Variants in CNNM4 observed in about 807,000 individuals in gnomAD.
The protein encoded by CNNM4 is metal transporter CNNM4.
Under a neutral mutation model 53.7 loss-of-function variants are expected in CNNM4, and 32 were observed. That is an observed-to-expected ratio of 0.60 (90% CI 0.45 to 0.80). The LOEUF is 0.80. CNNM4 is among the 30% of genes least tolerant of loss of function. The pLI, the probability that CNNM4 is intolerant of heterozygous loss-of-function variation, is 0.00. For missense variants in CNNM4, 784 were observed against 1,022.0 expected (o/e 0.77, Z 3.17); for synonymous variants, 410 against 440.0 (o/e 0.93, Z 0.85).
At chr2:96,773,841 TA>T (rs572771462) in intron 1 of CNNM4, among the ~76,000 whole-genome samples, 18,244 of 103,288 alleles carry the variant, frequency 0.18, 1,722 homozygotes, top group African/African-American at 0.34. Context: ...AGACTCCATC[TA>T]AAAAAAAAAA....
At chr2:96,765,009 CTG>C in intron 1 of CNNM4, among the ~76,000 whole-genome samples, 1 of 49,274 alleles carries the variant, frequency 2.0e-5, no homozygotes. Context: ...GTTTAGGAGT[CTG>C]GTGTTGGGAA....
chr2:96,798,980 G>T, intron 3 of CNNM4, 77 bp from the exon 4 acceptor site: 1 of 1,414,754 alleles, frequency 7.1e-7, no homozygotes, highest in Non-Finnish European at 1.0e-6. Context: ...TGTGGTTGGG[G>T]TGGAGGCACA....
At chr2:96,785,150 TTAC>T (rs2079005900) in intron 1 of CNNM4, among the ~76,000 whole-genome samples, 1 of 152,032 alleles carries the variant, frequency 6.6e-6, no homozygotes, top group Non-Finnish European at 1.5e-5. Flanking sequence ...CGTGCTGGGA[TTAC>T]AGGCATGAGC....
intron 1 of CNNM4, among the ~76,000 whole-genome samples, chr2:96,791,992 G>A (rs933819948): frequency 7.9e-5 from 12 of 151,712 alleles, no homozygotes; most frequent in Non-Finnish European, 1.8e-4. Context: ...GCAATTCTGC[G>A]CCTGAAATCT....
chr2:96,762,261 T>C lies in CNNM4; in HGVS notation c.1262T>C (p.Ile421Thr), dbSNP rs752941116. 3.3e-5 allele frequency: 54 copies of C among 1,614,044 alleles called. No individual in the cohort carries two copies. Among genetic ancestry groups the C allele is most frequent in the Non-Finnish European group, 4.4e-5 (52 of 1,180,040 alleles). Residue 421 changes from isoleucine to threonine, a missense_variant, in exon 1 of 7, where the codon ATT (isoleucine) becomes ACT (threonine). By Grantham distance (89) the Ile-to-Thr change is moderately conservative. Coordinates refer to ENST00000377075, the MANE Select transcript of CNNM4 (RefSeq NM_020184.4). ...GACGAGCAGTCCAATATTGTAGATATTCTCTACGTCAAAGACTTGGCCTTT... is the reference window on the plus strand; with the variant it reads ...GACGAGCAGTCCAATATTGTAGATACTCTCTACGTCAAAGACTTGGCCTTT... ...FEDEQSNIVD[I>T]LYVKDLAFVD...
chr2:96,799,137 C>G lies in CNNM4; in HGVS notation c.1762C>G (p.Leu588Val). 2 of 1,614,164 alleles carry G rather than the reference C, an allele frequency of 1.2e-6. No individual in the cohort carries two copies. Among genetic ancestry groups the G allele is most frequent in the Non-Finnish European group, 1.7e-6 (2 of 1,180,028 alleles). ...CAAGTACCCAGATGTCATTCAGGAA[C>G]TCAAGTTTGACGAGCACAATAAGTA... Reference protein sequence around the residue: ...LLKYPDVIQELKFDEHNKYYA... With the variant: ...LLKYPDVIQEVKFDEHNKYYA... Residue 588 changes from leucine to valine, a missense_variant, in exon 4 of 7, where the codon CTC becomes GTC. By Grantham distance (32) the Leu-to-Val change is conservative (BLOSUM62 1). This residue lies in a region of CNNM4 where 307 missense variants were observed against 376.3 expected (regional missense o/e 0.82). Coordinates refer to ENST00000377075, the MANE Select transcript of CNNM4 (RefSeq NM_020184.4).
intron 1 of CNNM4, among the ~76,000 whole-genome samples, chr2:96,771,403 A>T (rs568286959): frequency 6.6e-6 from 1 of 152,210 alleles, no homozygotes; most frequent in South Asian, 2.1e-4. Flanking sequence ...ACAAAACAAA[A>T]ACCTTATAAC....
At chr2:96,773,338 G>A (rs72809845) in intron 1 of CNNM4, among the ~76,000 whole-genome samples, 3,289 of 152,200 alleles carry the variant, frequency 0.022, 60 homozygotes, top group Non-Finnish European at 0.034. Flanking sequence ...CCCTGTGCCC[G>A]GCACTGCGTA....
rs1347038466 is a variant in CNNM4, at chr2:96,799,143, T to A, written c.1768T>A (p.Phe590Ile). ...KYPDVIQELK[F>I]DEHNKYYARH... is the part of the protein sequence containing the mutation. ...CCCAGATGTCATTCAGGAACTCAAGTTTGACGAGCACAATAAGTACTACGC... is the reference window on the plus strand; with the variant it reads ...CCCAGATGTCATTCAGGAACTCAAGATTGACGAGCACAATAAGTACTACGC... Residue 590 changes from phenylalanine (F) to isoleucine (I), a missense_variant, in exon 4 of 7, where the codon TTT becomes ATT. Phe to Ile is a conservative substitution (Grantham distance 21). Around this residue, in one of 3 missense-constraint regions of CNNM4, gnomAD observed 307 missense variants for 376.3 expected, o/e 0.82. Transcript: ENST00000377075. 6 of 1,614,178 alleles carry A rather than the reference T, an allele frequency of 3.7e-6. No individual in the cohort carries two copies. Among genetic ancestry groups the A allele is most frequent in the Non-Finnish European group, 5.1e-6 (6 of 1,180,024 alleles).
At chr2:96,774,438 G>T (rs1037194875) in intron 1 of CNNM4, among the ~76,000 whole-genome samples, 1 of 151,892 alleles carries the variant, frequency 6.6e-6, no homozygotes, top group Admixed American at 6.6e-5. Context: ...AAATTAAAAA[G>T]TTAAAAAAAA....
intron 1 of CNNM4, among the ~76,000 whole-genome samples, chr2:96,776,942 G>T (rs999058613): frequency 6.6e-6 from 1 of 151,114 alleles, no homozygotes; most frequent in African/African-American, 2.4e-5. Flanking sequence ...GATTTCCCTA[G>T]TGAATTATGA....
Position 96,799,203 on chromosome 2 carries a change from G to A in CNNM4, c.1828G>A (p.Asp610Asn), listed in dbSNP as rs762347010. 6 of 1,614,028 alleles carry A rather than the reference G, an allele frequency of 3.7e-6. No homozygotes were observed. The highest frequency in any genetic ancestry group is 1.7e-5 in the Admixed American group (1 of 60,010). ...CCTGTACACCCGAAATAAGCCGGCCGACTACTTCATCCTCATCCTGCAGGT... is the reference window on the plus strand; with the variant it reads ...CCTGTACACCCGAAATAAGCCGGCCAACTACTTCATCCTCATCCTGCAGGT... ...HYLYTRNKPA[D>N]YFILILQGKV... Residue 610 changes from aspartate to asparagine, a missense_variant, in exon 4 of 7, where the codon GAC becomes AAC. Asp to Asn is a conservative substitution (Grantham distance 23). Coordinates refer to ENST00000377075, the MANE Select transcript of CNNM4 (RefSeq NM_020184.4).
In CNNM4 at chr2:96,762,170, A is replaced by G; in HGVS notation, c.1171A>G (p.Ile391Val). 1.2e-6 allele frequency: 2 copies of G among 1,614,174 alleles called. No individual in the cohort carries two copies. The highest frequency in any genetic ancestry group is 1.1e-5 in the South Asian group (1 of 91,080). ...CTGCTTCATGATCCGCAGCGATGCC[A>G]TCCTGGACTTCAACACCATGTCGGA... ...QDCFMIRSDA[I>V]LDFNTMSEIM... The change falls in exon 1 of 7, where the codon ATC becomes GTC. Residue 391 changes from isoleucine to valine, a missense_variant. Around this residue, in one of 3 missense-constraint regions of CNNM4, gnomAD observed 473 missense variants for 624.6 expected, o/e 0.76. Transcript: ENST00000377075.
Position 96,801,001 on chromosome 2 carries a change from C to T in CNNM4, c.1948+1353C>T, listed in dbSNP as rs558972965. ...CAGCCTGGCCCCGTCAGGTCTGCCT[C>T]TGTCCTGTGCCTGTGGTTCCGTGTC... On this transcript the variant is annotated intron_variant, in intron 5 of 6. Transcript: ENST00000377075. The surrounding 1 kb of genome is among the most constrained non-coding windows in gnomAD (Gnocchi z 5.6). 4 of 721,834 alleles carry T rather than the reference C, an allele frequency of 5.5e-6. No individual in the cohort carries two copies. In the East Asian group the frequency reaches 5.3e-4, roughly 96 times the overall value. The allele number at this position is 721,834 out of a possible 1,614,324, so 44.7% of individuals were successfully genotyped here.
At chr2:96,791,785 CTACATAT>C (rs200723619) in intron 1 of CNNM4, among the ~76,000 whole-genome samples, 37 of 152,200 alleles carry the variant, frequency 2.4e-4, no homozygotes, top group African/African-American at 8.2e-4. Context: ...GTGGCTTAAT[CTACATAT>C]GGGGGATTCA....
At chr2:96,796,345 G>A (rs1241460053) in intron 1 of CNNM4, among the ~76,000 whole-genome samples, 2 of 151,684 alleles carry the variant, frequency 1.3e-5, no homozygotes, top group Non-Finnish European at 2.9e-5. Flanking sequence ...GGGTTTTACC[G>A]TGTTGGCCAG....
At chr2:96,778,490 G>A (rs1391137425) in intron 1 of CNNM4, among the ~76,000 whole-genome samples, 1 of 151,306 alleles carries the variant, frequency 6.6e-6, no homozygotes, top group South Asian at 2.1e-4. Flanking sequence ...CCGGGAGGTG[G>A]AGGTTGCAGT....
intron 1 of CNNM4, among the ~76,000 whole-genome samples, chr2:96,780,003 T>C (rs2078959935): frequency 6.6e-6 from 1 of 152,144 alleles, no homozygotes; most frequent in Non-Finnish European, 1.5e-5. Context: ...GGTTTCACCA[T>C]GTTGGCTGGG....
At position 96,765,372 on chromosome 2, in the gene CNNM4, C is replaced by T. The variant is rs144617702; in HGVS notation, c.1402+2971C>T. On this transcript the variant is annotated intron_variant, in intron 1 of 6. Coordinates refer to ENST00000377075, the MANE Select transcript of CNNM4 (RefSeq NM_020184.4). ...AACTCCCGACCTCAGGTGATCCACC[C>T]GCCTTGGCCTCCCAAAGTGCTGGGA... 6.7e-3 allele frequency among the ~76,000 whole-genome samples: 1,024 copies of T among 151,948 alleles called. 11 individuals carry two copies. The highest frequency in any genetic ancestry group is 0.023 in the African/African-American group (948 of 41,470).
Sources: gnomAD v4.1 joint callset for allele counts (sites outside exome capture counted in the v4.1 genomes callset) on GRCh38, gnomAD v4.1.1 for gene constraint, gnomAD v4.1.1 regional missense constraint, Gnocchi (gnomAD v3.1) non-coding constraint, MANE v1.5 for transcripts, NCBI Gene and HGNC (gene_info 2026-07-23, HGNC 2026-07-21) for gene names.